ALDH1L2: variants seen among roughly 807,000 people sequenced by gnomAD.
ALDH1L2 encodes the protein aldehyde dehydrogenase 1 family member L2, also known as mitochondrial 10-formyltetrahydrofolate dehydrogenase.
ALDH1L2 carries 91 observed loss-of-function variants against 111.0 expected under a neutral mutation model. The ratio of observed to expected loss-of-function variants is 0.82; its 90% confidence interval spans 0.69 to 0.98. The LOEUF (loss-of-function observed/expected upper bound fraction) is 0.98, where lower values mean the gene tolerates loss of function less well. Ranked by LOEUF, ALDH1L2 falls within the 50% of genes least tolerant of loss-of-function variation. The pLI is 0.00. For synonymous variants in ALDH1L2, 374 were observed against 392.6 expected (o/e 0.95, Z 0.56); for missense variants, 995 against 1,126.8 (o/e 0.88, Z 1.67).
chr12:105,036,540 A>T (rs867376253), intron 18 of ALDH1L2, among the ~76,000 whole-genome samples: 1 of 42,676 alleles, frequency 2.3e-5, no homozygotes, highest in Non-Finnish European at 3.7e-5. Flanking sequence ...ATATATATAT[A>T]TATATATATA....
At chr12:105,063,048 G>A (rs772875932) in intron 6 of ALDH1L2, 26 bp from the exon 7 acceptor site, 15 of 1,600,580 alleles carry the variant, frequency 9.4e-6, no homozygotes, top group East Asian at 4.5e-5. Flanking sequence ...AACACAGATT[G>A]TAAAATCAGG....
Position 105,031,802 on chromosome 12 carries a change from A to C in ALDH1L2, c.2377T>G (p.Leu793Val). The change falls in exon 20 of 23, where the codon TTG becomes GTG. Residue 793 changes from leucine to valine, a missense_variant. Coordinates refer to ENST00000258494, the MANE Select transcript of ALDH1L2 (RefSeq NM_001034173.4). ...CETGVKEGAT[L>V]VYGGRQVQRP... is the part of the protein sequence containing the mutation. ...TGGACTTGTCTTCCCCCGTACACCAAAGTGGCCCCTTCTTTCACTCCAGTT... is the reference window on the plus strand; with the variant it reads ...TGGACTTGTCTTCCCCCGTACACCACAGTGGCCCCTTCTTTCACTCCAGTT... 6.2e-7 allele frequency: 1 copy of C among 1,614,136 alleles called. No homozygotes were observed. Among genetic ancestry groups the C allele is most frequent in the South Asian group, 1.1e-5 (1 of 91,080 alleles).
chr12:105,059,267 AAATAATAATAATAATAATAAT>A (rs56329502), intron 9 of ALDH1L2, among the ~76,000 whole-genome samples: 3,842 of 138,336 alleles, frequency 0.028, 163 homozygotes, highest in African/African-American at 0.091. Flanking sequence ...CTCTGTCTCA[AAATAATAATAATAATAATAAT>A]AATAATAATA....
chr12:105,041,063 G>T (rs1229033209), intron 15 of ALDH1L2, among the ~76,000 whole-genome samples: 1 of 152,144 alleles, frequency 6.6e-6, no homozygotes, highest in Non-Finnish European at 1.5e-5. Context: ...TATAAAACAA[G>T]AAATTCTTTT....
intron 10 of ALDH1L2, among the ~76,000 whole-genome samples, chr12:105,055,233 C>T (rs1314529724): frequency 6.6e-6 from 1 of 152,208 alleles, no homozygotes; most frequent in Non-Finnish European, 1.5e-5. Flanking sequence ...AGCACACACA[C>T]AGAGCCCCCT....
Position 105,084,292 on chromosome 12 carries a change from C to T in ALDH1L2, c.48+97G>A. 8.2e-6 allele frequency: 11 copies of T among 1,335,534 alleles called. No homozygotes were observed. The South Asian group carries it at 1.5e-4, about 18-fold the overall frequency. The allele number at this position is 1,335,534 out of a possible 1,614,324, so 82.7% of individuals were successfully genotyped here. On this transcript the variant is annotated intron_variant, in intron 1 of 22. Transcript: ENST00000258494. ...GGTGTTTAGCAAAGTCTAAGCATCG[C>T]TGCTCATCCCCAGCCCCACCGCCCC...
At chr12:105,044,847 T>G (rs574675145) in intron 15 of ALDH1L2, among the ~76,000 whole-genome samples, 47 of 152,212 alleles carry the variant, frequency 3.1e-4, no homozygotes, top group Middle Eastern at 6.8e-3. Context: ...AAGTAAAATA[T>G]GTTTTATCTA....
rs967004693 is a variant in ALDH1L2, at chr12:105,039,660, T to A, written c.2045+53A>T. ...AAAAAGTACCCTGTTTAAACAAAAATTGAAACCTAGTTTAACAGGATCTGC... is the reference window on the plus strand; with the variant it reads ...AAAAAGTACCCTGTTTAAACAAAAAATGAAACCTAGTTTAACAGGATCTGC... On this transcript the variant is annotated intron_variant, in intron 17 of 22. Transcript: ENST00000258494. The A allele has an allele frequency of 5.9e-6, 9 of 1,529,732 alleles. No homozygotes were observed. The Admixed American group carries it at 6.9e-5, about 12-fold the overall frequency. 94.8% of individuals were successfully genotyped at this position (1,529,732 alleles called of 1,614,324 possible).
chr12:105,066,723 TC>T, intron 4 of ALDH1L2, 54 bp from the exon 5 acceptor site: 1 of 1,467,180 alleles, frequency 6.8e-7, no homozygotes, highest in South Asian at 1.1e-5. Flanking sequence ...AATGGCATGG[TC>T]TATTTGACTA....
Position 105,026,508 on chromosome 12 carries a change from A to G in ALDH1L2, c.2716+37T>C, listed in dbSNP as rs369479833. The G allele has an allele frequency of 5.0e-5, 81 of 1,611,008 alleles. No homozygotes were observed. In the African/African-American group the frequency reaches 1.0e-3, roughly 21 times the overall value. On this transcript the variant is annotated intron_variant, in intron 22 of 22. Transcript: ENST00000258494. ...AGAGCAGATTTTTCTGTGATGTGACAACAAAGGGAAGGTGAAGCAGAAAAG... is the reference window on the plus strand; with the variant it reads ...AGAGCAGATTTTTCTGTGATGTGACGACAAAGGGAAGGTGAAGCAGAAAAG...
chr12:105,029,344 CAG>C (rs1874583510), intron 21 of ALDH1L2, among the ~76,000 whole-genome samples: 1 of 152,154 alleles, frequency 6.6e-6, no homozygotes, highest in Admixed American at 6.6e-5. Flanking sequence ...GGCCCAAGCT[CAG>C]AGGGTTAGTG....
In ALDH1L2 at chr12:105,026,725, G is replaced by A; in HGVS notation, c.2536C>T (p.Gln846Ter). The stretch of plus-strand genomic sequence containing the variant: ...CCATACTCTGTACTATTTGCTCGCT[G>A]CAACACTCCATCGATGTCCCTGTGT... Reference protein sequence around the residue: ...FQNGDIDGVLQRANSTEYGLA... With the variant: ...FQNGDIDGVL The change falls in exon 22 of 23, where the codon CAG (glutamine) becomes TAG (stop). Residue 846 changes from glutamine to a stop codon, truncating the protein, a stop_gained. Coordinates refer to ENST00000258494, the MANE Select transcript of ALDH1L2 (RefSeq NM_001034173.4). LOFTEE classifies it high-confidence loss of function. The A allele has an allele frequency of 1.9e-6, 3 of 1,614,146 alleles. No homozygotes were observed. The highest frequency in any genetic ancestry group is 2.5e-6 in the Non-Finnish European group (3 of 1,180,016).
At chr12:105,056,163 A>G (rs1011926920) in intron 10 of ALDH1L2, among the ~76,000 whole-genome samples, 1 of 152,166 alleles carries the variant, frequency 6.6e-6, no homozygotes, top group Non-Finnish European at 1.5e-5. Context: ...CAAAAGCAGC[A>G]AGAGAGAAGG....
At chr12:105,046,225 T>TA (rs1875900310) in intron 15 of ALDH1L2, among the ~76,000 whole-genome samples, 4 of 46,556 alleles carry the variant, frequency 8.6e-5, no homozygotes, top group African/African-American at 3.2e-4. Context: ...ATATATATTT[T>TA]TTTTTTTTTT....
At chr12:105,081,294 CAATT>C (rs1460594017) in intron 1 of ALDH1L2, among the ~76,000 whole-genome samples, 1 of 152,090 alleles carries the variant, frequency 6.6e-6, no homozygotes, top group Non-Finnish European at 1.5e-5. Flanking sequence ...GTATAACAGA[CAATT>C]AAATACAGTT....
intron 1 of ALDH1L2, among the ~76,000 whole-genome samples, chr12:105,074,427 C>T (rs140583306): frequency 0.018 from 2,377 of 129,084 alleles, 35 homozygotes; most frequent in Middle Eastern, 0.061. Context: ...CACAGCACTC[C>T]AGTCTGAGTG....
At chr12:105,066,498 A>G (rs921379265) in intron 5 of ALDH1L2, 70 bp downstream of exon 5, 194 of 1,417,858 alleles carry the variant, frequency 1.4e-4, no homozygotes, top group Non-Finnish European at 1.7e-4. Flanking sequence ...AGATCATAGT[A>G]TGTGGGGAAC....
rs1472735923 is a variant in ALDH1L2 at position 105,022,183 on chromosome 12, G to A, written c.*2241C>T. On this transcript the variant is annotated 3_prime_UTR_variant, in exon 23 of 23. Coordinates refer to ENST00000258494, the MANE Select transcript of ALDH1L2 (RefSeq NM_001034173.4). ...ACTTTATGTATTACACAGAGCCTTT[G>A]ATTCTGATCAGCCAGATCTAAAAAT... 5 of 152,196 alleles carry A rather than the reference G, an allele frequency of 3.3e-5. No individual in the cohort carries two copies. The highest frequency in any genetic ancestry group is 1.2e-4 in the African/African-American group (5 of 41,438). 9.4% of individuals were successfully genotyped at this position (152,196 alleles called of 1,614,324 possible).
chr12:105,055,031 T>C (rs534275835), intron 10 of ALDH1L2, among the ~76,000 whole-genome samples: 7 of 152,274 alleles, frequency 4.6e-5, no homozygotes, highest in African/African-American at 1.7e-4. Flanking sequence ...ATAAGAGGCA[T>C]TGAAAAGCTC....
Sources: gnomAD v4.1 joint callset for allele counts (sites outside exome capture counted in the v4.1 genomes callset) on GRCh38, gnomAD v4.1.1 for gene constraint, MANE v1.5 for transcripts, NCBI Gene and HGNC (gene_info 2026-07-23, HGNC 2026-07-21) for gene names.